ENOX1: variants seen among roughly 807,000 people sequenced by gnomAD.
ENOX1 encodes candidate growth-related and time keeping constitutive hydroquinone (NADH) oxidase.
In ENOX1, 42 loss-of-function variants were observed where a neutral mutation model predicts 82.5. The observed-to-expected ratio is 0.51, with a 90% CI of 0.40 to 0.66. The LOEUF (loss-of-function observed/expected upper bound fraction) is 0.66, where lower values mean the gene tolerates loss of function less well. ENOX1 is among the 30% of genes least tolerant of loss of function. The pLI is 0.00. For synonymous variants in ENOX1, 271 were observed against 282.2 expected (o/e 0.96, Z 0.40); for missense variants, 608 against 811.6 (o/e 0.75, Z 3.05).
At chr13:43,482,104 T>C (rs890311723) in intron 3 of ENOX1, among the ~76,000 whole-genome samples, 6 of 152,130 alleles carry the variant, frequency 3.9e-5, no homozygotes, top group Non-Finnish European at 8.8e-5. Context: ...AAATTAAAAA[T>C]AGAACTACCA....
intron 14 of ENOX1, among the ~76,000 whole-genome samples, chr13:43,240,392 T>C (rs1313564305): frequency 6.6e-6 from 1 of 152,204 alleles, no homozygotes; most frequent in African/African-American, 2.4e-5. Context: ...GTAAGAAGTG[T>C]AGATTTTATC....
At chr13:43,610,169 T>C (rs920075804) in intron 2 of ENOX1, among the ~76,000 whole-genome samples, 1 of 152,238 alleles carries the variant, frequency 6.6e-6, no homozygotes, top group African/African-American at 2.4e-5. Context: ...AGGGTCCAGA[T>C]AGTTCTCCAA....
chr13:43,596,632 T>G (rs1261203583), intron 2 of ENOX1, among the ~76,000 whole-genome samples: 1 of 152,240 alleles, frequency 6.6e-6, no homozygotes, highest in Non-Finnish European at 1.5e-5. Flanking sequence ...TGTTCAAAAT[T>G]TAACCAACAT....
At chr13:43,703,647 C>T (rs1031411580) in intron 1 of ENOX1, among the ~76,000 whole-genome samples, 6 of 152,042 alleles carry the variant, frequency 3.9e-5, no homozygotes, top group Admixed American at 2.6e-4. Context: ...AAATATATAA[C>T]AAACAGGCAA....
intron 2 of ENOX1, among the ~76,000 whole-genome samples, chr13:43,540,179 C>G (rs1315584411): frequency 6.6e-6 from 1 of 152,134 alleles, no homozygotes; most frequent in Non-Finnish European, 1.5e-5. Context: ...TTAAGTCTAC[C>G]ATCTTAGCAT....
chr13:43,466,516 GA>G (rs2057727982), intron 3 of ENOX1, among the ~76,000 whole-genome samples: 6 of 151,994 alleles, frequency 3.9e-5, no homozygotes, highest in Admixed American at 3.9e-4. Flanking sequence ...ACAAAAAATA[GA>G]AAGGAACAAA....
chr13:43,512,013 C>A (rs1208316774), intron 2 of ENOX1, among the ~76,000 whole-genome samples: 1 of 151,998 alleles, frequency 6.6e-6, no homozygotes, highest in African/African-American at 2.4e-5. Flanking sequence ...GGATATTATA[C>A]ATATGCCATC....
intron 3 of ENOX1, among the ~76,000 whole-genome samples, chr13:43,446,926 C>T (rs781739475): frequency 6.6e-6 from 1 of 152,140 alleles, no homozygotes; most frequent in African/African-American, 2.4e-5. Context: ...CTGGAAGCTG[C>T]GATAATCTTG....
chr13:43,686,967 C>G (rs2086108748), intron 1 of ENOX1, among the ~76,000 whole-genome samples: 1 of 150,054 alleles, frequency 6.7e-6, no homozygotes, highest in African/African-American at 2.4e-5. Context: ...GAGAAGTGAA[C>G]TTTACTCACT....
intron 1 of ENOX1, among the ~76,000 whole-genome samples, chr13:43,740,825 T>C (rs182098953): frequency 6.6e-6 from 1 of 152,352 alleles, no homozygotes; most frequent in East Asian, 1.9e-4. Context: ...AGTACTTCAT[T>C]TCTTTTTATC....
chr13:43,541,275 G>A (rs1170425739), intron 2 of ENOX1, among the ~76,000 whole-genome samples: 1 of 148,838 alleles, frequency 6.7e-6, no homozygotes, highest in African/African-American at 2.5e-5. Flanking sequence ...AGGGCAGGGG[G>A]ATTGGTTGAG....
At chr13:43,722,005 C>A (rs1307184815) in intron 1 of ENOX1, among the ~76,000 whole-genome samples, 1 of 152,176 alleles carries the variant, frequency 6.6e-6, no homozygotes, top group Non-Finnish European at 1.5e-5. Flanking sequence ...ATGTCCAGTT[C>A]TCAGGGCCAC....
intron 2 of ENOX1, among the ~76,000 whole-genome samples, chr13:43,625,872 G>A (rs183355112): frequency 4.6e-5 from 7 of 151,842 alleles, no homozygotes; most frequent in Non-Finnish European, 7.4e-5. Flanking sequence ...ATTGGAAAGC[G>A]TTGCTTCCTT....
chr13:43,686,485 A>G (rs960379026), intron 1 of ENOX1, among the ~76,000 whole-genome samples: 1 of 152,184 alleles, frequency 6.6e-6, no homozygotes, highest in African/African-American at 2.4e-5. Flanking sequence ...AAAGAACACA[A>G]TGTCAGTCCA....
At chr13:43,220,233 T>C (rs1430722430) in intron 16 of ENOX1, among the ~76,000 whole-genome samples, 1 of 148,720 alleles carries the variant, frequency 6.7e-6, no homozygotes, top group East Asian at 2.0e-4. Flanking sequence ...GAAAAGAATA[T>C]GGAAGGAAAA....
intron 1 of ENOX1, among the ~76,000 whole-genome samples, chr13:43,730,003 C>T (rs1194087982): frequency 6.6e-6 from 1 of 152,212 alleles, no homozygotes; most frequent in Non-Finnish European, 1.5e-5. Context: ...AGATCCCTCC[C>T]CTCTCTCCAG....
chr13:43,651,527 C>G (rs2084169262), intron 2 of ENOX1, among the ~76,000 whole-genome samples: 1 of 151,412 alleles, frequency 6.6e-6, no homozygotes, highest in Admixed American at 6.6e-5. Flanking sequence ...AAAACCCTGT[C>G]TCTACTGAAA....
In ENOX1 at chr13:43,786,765, C is replaced by T. The variant is rs551614894; in HGVS notation, c.-398G>A. On this transcript the variant is annotated 5_prime_UTR_variant, in exon 1 of 17. Coordinates refer to ENST00000690772, the MANE Select transcript of ENOX1 (RefSeq NM_001347969.2). The surrounding 1 kb of genome is among the most constrained non-coding windows in gnomAD (Gnocchi z 6.0). ...CCTCCTCCTTTGCTTCTCCCGGACT[C>T]TGTCCCGGGCACGGAGCTGGGAGAC... The T allele has an allele frequency of 2.6e-5, 4 of 152,460 alleles. No individual in the cohort carries two copies. In the East Asian group the frequency reaches 7.8e-4, roughly 30 times the overall value. 9.4% of individuals were successfully genotyped at this position (152,460 alleles called of 1,614,324 possible). A position where few individuals can be genotyped will look rare whatever the true frequency, so the allele number is the denominator to read the frequency against.
intron 3 of ENOX1, among the ~76,000 whole-genome samples, chr13:43,415,174 C>T (rs946043649): frequency 6.6e-6 from 1 of 151,656 alleles, no homozygotes; most frequent in Non-Finnish European, 1.5e-5. Context: ...AGATTTATCC[C>T]CCAATGAAAC....
Sources: gnomAD v4.1 joint callset for allele counts (sites outside exome capture counted in the v4.1 genomes callset) on GRCh38, gnomAD v4.1.1 for gene constraint, Gnocchi (gnomAD v3.1) non-coding constraint, MANE v1.5 for transcripts, NCBI Gene and HGNC (gene_info 2026-07-23, HGNC 2026-07-21) for gene names.